RAET1G: variants seen among roughly 807,000 people sequenced by gnomAD.
RAET1G encodes UL-16 binding protein 5.
Under a neutral mutation model 29.5 loss-of-function variants are expected in RAET1G, and 25 were observed. That is an observed-to-expected ratio of 0.85 (90% CI 0.62 to 1.18). The LOEUF is 1.18. Among genes scored for constraint, RAET1G ranks in the 50% most tolerant of loss-of-function variants. The pLI is 0.00. For synonymous variants in RAET1G, 167 were observed against 159.5 expected, an observed-to-expected ratio of 1.05 and a Z score of -0.36; for missense variants, 434 against 423.6, an observed-to-expected ratio of 1.02 and a Z score of -0.22.
chr6:149,919,565 A>C lies in RAET1G; in HGVS notation c.337T>G (p.Tyr113Asp), dbSNP rs1210005639. The change falls in exon 2 of 5, where the codon TAC becomes GAC. Residue 113 changes from tyrosine to aspartate, a missense_variant. Transcript: ENST00000367360. ...EQLLDIQLEN[Y>D]IPKEPLTLQA... ...ATCTGAAACTTACCCTTGGGTATGTAATTCTCCAGCTGAATGTCAAGCAGT... is the reference window on the plus strand; with the variant it reads ...ATCTGAAACTTACCCTTGGGTATGTCATTCTCCAGCTGAATGTCAAGCAGT... 1 of 1,613,974 alleles carries C rather than the reference A, an allele frequency of 6.2e-7. No homozygotes were observed. Among genetic ancestry groups the C allele is most frequent in the South Asian group, 1.1e-5 (1 of 91,078 alleles).
At chr6:149,919,373 C>T in intron 2 of RAET1G, 49 bp from the exon 3 acceptor site, 1 of 1,597,642 alleles carries the variant, frequency 6.3e-7, no homozygotes, top group Non-Finnish European at 8.5e-7. Context: ...GATATTGAGC[C>T]CCCATCCTCT....
intron 1 of RAET1G, among the ~76,000 whole-genome samples, chr6:149,922,188 C>A (rs1025763881): frequency 6.6e-6 from 1 of 152,188 alleles, no homozygotes; most frequent in African/African-American, 2.4e-5. Flanking sequence ...TCCCATCCCC[C>A]CTGCACAGGT....
Position 149,918,652 on chromosome 6 carries a change from C to G in RAET1G, c.632-268G>C, listed in dbSNP as rs142912384. On this transcript the variant is annotated intron_variant, in intron 3 of 4. Transcript: ENST00000367360. ...GAAGAGGAGGTGATGCTCCAGGGTG[C>G]GGGAGGGGAGGGTCACGAGGCTGGC... 1.5e-3 allele frequency: 875 copies of G among 602,796 alleles called. 3 individuals are homozygous for G. In the African/African-American group the frequency reaches 0.015, roughly 10 times the overall value. The allele number at this position is 602,796 out of a possible 1,614,324, so 37.3% of individuals were successfully genotyped here. A position where few individuals can be genotyped will look rare whatever the true frequency, so the allele number is the denominator to read the frequency against.
chr6:149,919,169 T>A lies in RAET1G; in HGVS notation c.505A>T (p.Lys169Ter). ...TTVHPGARKM[K>*]EKWENDKDMT... ...TCCTTGTCATTCTCCCACTTTTCTTTCATCTTTCTGGCTCCAGGATGAACC... is the reference window on the plus strand; with the variant it reads ...TCCTTGTCATTCTCCCACTTTTCTTACATCTTTCTGGCTCCAGGATGAACC... Residue 169 changes from lysine (K) to a stop codon, truncating the protein, a stop_gained, in exon 3 of 5, where the codon AAA becomes TAA. Coordinates refer to ENST00000367360, the MANE Select transcript of RAET1G (RefSeq NM_001001788.4). LOFTEE classifies it high-confidence loss of function. The A allele has an allele frequency of 6.2e-7, 1 of 1,614,236 alleles. No individual in the cohort carries two copies. Among genetic ancestry groups the A allele is most frequent in the Non-Finnish European group, 8.5e-7 (1 of 1,180,040 alleles).
chr6:149,919,138 G>T lies in RAET1G; in HGVS notation c.536C>A (p.Thr179Asn). Reference sequence around the variant, plus strand: ...CATTGAGATGTAATGGAAGGACATGGTCATATCCTTGTCATTCTCCCACTT... The same window carrying T: ...CATTGAGATGTAATGGAAGGACATGTTCATATCCTTGTCATTCTCCCACTT... ...KEKWENDKDM[T>N]MSFHYISMGD... The change falls in exon 3 of 5, where the codon ACC becomes AAC. Residue 179 changes from threonine to asparagine, a missense_variant. By Grantham distance (65) the Thr-to-Asn change is moderately conservative. Transcript: ENST00000367360. 1.9e-6 allele frequency: 3 copies of T among 1,614,174 alleles called. No homozygotes were observed. The highest frequency in any genetic ancestry group is 2.5e-6 in the Non-Finnish European group (3 of 1,180,028).
rs1054219638 is a variant in RAET1G, at chr6:149,922,991, G to A, written c.20C>T (p.Pro7Leu). The change falls in exon 1 of 5, where the codon CCC (proline) becomes CTC (leucine). Residue 7 changes from proline to leucine, a missense_variant. Coordinates refer to ENST00000367360, the MANE Select transcript of RAET1G (RefSeq NM_001001788.4). ...AAGCGGGAGGCGTAGAAGGAACGCG[G>A]GGCTGGCGGCCGCTGCCATTGGGGA... MAAAAS[P>L]AFLLRLPLLL... 4.4e-6 allele frequency: 7 copies of A among 1,604,490 alleles called. No individual in the cohort carries two copies. The highest frequency in any genetic ancestry group is 2.3e-5 in the South Asian group (2 of 88,802).
At chr6:149,922,845 G>T in intron 1 of RAET1G, 81 bp downstream of exon 1, 1 of 988,466 alleles carries the variant, frequency 1.0e-6, no homozygotes, top group South Asian at 1.6e-5. Context: ...CCTTCCAGAA[G>T]CCTCCCCTCC....
chr6:149,919,344 A>T lies in RAET1G; in HGVS notation c.350-20T>A, dbSNP rs1778538785. On this transcript the variant is annotated intron_variant, in intron 2 of 4. Coordinates refer to ENST00000367360, the MANE Select transcript of RAET1G (RefSeq NM_001001788.4). ...GGGGTTCTGCCCCCATCAAAGAGAGATCAGCTCTGGCCTTGACAGATATTG... is the reference window on the plus strand; with the variant it reads ...GGGGTTCTGCCCCCATCAAAGAGAGTTCAGCTCTGGCCTTGACAGATATTG... 1 of 1,608,904 alleles carries T rather than the reference A, an allele frequency of 6.2e-7. No homozygotes were observed. Among genetic ancestry groups the T allele is most frequent in the African/African-American group, 1.3e-5 (1 of 74,736 alleles).
At chr6:149,918,431 C>T (rs1778504929) in intron 3 of RAET1G, 47 bp from the exon 4 acceptor site, 2 of 1,587,478 alleles carry the variant, frequency 1.3e-6, no homozygotes, top group Non-Finnish European at 1.7e-6. Context: ...GGCCCCAAAT[C>T]TGAGGAGATG....
chr6:149,918,944 G>A (rs781030081), intron 3 of RAET1G, 99 bp downstream of exon 3: 12 of 1,565,074 alleles, frequency 7.7e-6, no homozygotes, highest in Middle Eastern at 1.7e-4. Flanking sequence ...TAACATAAAC[G>A]TGTACACTGG....
At position 149,918,583 on chromosome 6, in the gene RAET1G, G is replaced by A. The variant is rs191529908; in HGVS notation, c.632-199C>T. On this transcript the variant is annotated intron_variant, in intron 3 of 4. Coordinates refer to ENST00000367360, the MANE Select transcript of RAET1G (RefSeq NM_001001788.4). The stretch of plus-strand genomic sequence containing the variant: ...GCCTCAGGGAGCTCACAGAGCTGCT[G>A]AGGGAAGCAAGGTGACAGCAAAGCC... 455 of 673,598 alleles carry A rather than the reference G, an allele frequency of 6.8e-4. 2 individuals carry two copies. The African/African-American group carries it at 7.3e-3, about 11-fold the overall frequency. The allele number at this position is 673,598 out of a possible 1,614,324, so 41.7% of individuals were successfully genotyped here.
chr6:149,918,502 A>G (rs1582798250), intron 3 of RAET1G, 118 bp from the exon 4 acceptor site: 2 of 1,186,792 alleles, frequency 1.7e-6, no homozygotes, highest in East Asian at 5.0e-5. Flanking sequence ...CCCCTCTGCT[A>G]TGGGGCAGCC....
At chr6:149,922,384 G>T (rs971547815) in intron 1 of RAET1G, among the ~76,000 whole-genome samples, 5 of 152,122 alleles carry the variant, frequency 3.3e-5, no homozygotes, top group African/African-American at 9.7e-5. Context: ...TGAGGGGAGG[G>T]TGGGAAGTGT....
intron 1 of RAET1G, 126 bp from the exon 2 acceptor site, chr6:149,919,942 C>T: frequency 7.6e-6 from 12 of 1,587,004 alleles, no homozygotes; most frequent in Non-Finnish European, 1.0e-5. Context: ...GTGCCTCCTC[C>T]AGAACTGTGG....
chr6:149,917,194 G>C (rs769923380), intron 4 of RAET1G, 120 bp from the exon 5 acceptor site: 1 of 1,338,686 alleles, frequency 7.5e-7, no homozygotes, highest in Non-Finnish European at 9.7e-7. Flanking sequence ...TGTACAGGGC[G>C]GAACATGAAA....
Position 149,921,172 on chromosome 6 carries a change from C to T in RAET1G, c.86-1356G>A, listed in dbSNP as rs970930343. On this transcript the variant is annotated intron_variant, in intron 1 of 4. Coordinates refer to ENST00000367360, the MANE Select transcript of RAET1G (RefSeq NM_001001788.4). Reference sequence around the variant, plus strand: ...TAACTACTCAGCTCTGCTGTTGAAGCGCAAAGGCAGCCACAGGCAATCCAT... The same window carrying T: ...TAACTACTCAGCTCTGCTGTTGAAGTGCAAAGGCAGCCACAGGCAATCCAT... Among the ~76,000 whole-genome samples the T allele has an allele frequency of 5.9e-5, 9 of 152,198 alleles. 1 individual carries two copies. The highest frequency in any genetic ancestry group is 4.1e-4 in the South Asian group (2 of 4,830).
chr6:149,922,929 C>T lies in RAET1G; in HGVS notation c.82G>A (p.Ala28Thr), dbSNP rs1159177374. Residue 28 changes from alanine to threonine, a missense_variant, in exon 1 of 5, where the codon GCC becomes ACC. Transcript: ENST00000367360. ...LLSSWCRTGL[A>T]DPHSLCYDIT... ...TAGGCTCCATCCCCGAACTCACCGG[C>T]CAGCCCGGTCCTGCACCAGCTGGAC... 1.9e-6 allele frequency: 3 copies of T among 1,590,108 alleles called. No individual in the cohort carries two copies. The highest frequency in any genetic ancestry group is 1.3e-5 in the African/African-American group (1 of 74,734).
chr6:149,916,944 A>G lies in RAET1G; in HGVS notation c.973T>C (p.Tyr325His). ...ATGGAGACCTGTAGTGGCTCCGAAT[A>G]CCTGGCTGCGCCGTTATTTATTGTA... is the stretch of plus-strand genomic sequence containing the variant. ...LYTINNGAAR[Y>H]SEPLQVSIS Residue 325 changes from tyrosine (Y) to histidine (H), a missense_variant, in exon 5 of 5, where the codon TAT becomes CAT. By Grantham distance (83) the Tyr-to-His change is moderately conservative. Transcript: ENST00000367360. 4 of 1,545,486 alleles carry G rather than the reference A, an allele frequency of 2.6e-6. No homozygotes were observed. Among genetic ancestry groups the G allele is most frequent in the Non-Finnish European group, 3.5e-6 (4 of 1,143,898 alleles).
Position 149,919,337 on chromosome 6 carries a change from A to G in RAET1G, c.350-13T>C, listed in dbSNP as rs142608807. The G allele has an allele frequency of 7.8e-4, 1,250 of 1,610,594 alleles. 4 individuals carry two copies. The African/African-American group carries it at 0.015, about 19-fold the overall frequency. On this transcript the variant is annotated splice_polypyrimidine_tract_variant and intron_variant, in intron 2 of 4. Coordinates refer to ENST00000367360, the MANE Select transcript of RAET1G (RefSeq NM_001001788.4). ...AGGGTGAGGGGTTCTGCCCCCATCA[A>G]AGAGAGATCAGCTCTGGCCTTGACA...
Sources: gnomAD v4.1 joint callset for allele counts (sites outside exome capture counted in the v4.1 genomes callset) on GRCh38, gnomAD v4.1.1 for gene constraint, MANE v1.5 for transcripts, NCBI Gene and HGNC (gene_info 2026-07-23, HGNC 2026-07-21) for gene names.